Variants in CLPTM1 observed in about 807,000 individuals in gnomAD.
CLPTM1 encodes the protein CLPTM1 regulator of GABA type A receptor forward trafficking, also known as putative lipid scramblase CLPTM1.
CLPTM1 carries 21 observed loss-of-function variants against 77.3 expected under a neutral mutation model. That is an observed-to-expected ratio of 0.27 (90% CI 0.19 to 0.39). The LOEUF (loss-of-function observed/expected upper bound fraction) is 0.39. Ranked by LOEUF, CLPTM1 falls within the 10% of genes least tolerant of loss-of-function variation. The probability of loss-of-function intolerance (pLI) is 1.00; values close to 1 mark genes in which losing one functional copy is unlikely to be tolerated. For synonymous variants in CLPTM1, 373 were observed against 381.0 expected, an observed-to-expected ratio of 0.98 and a Z score of 0.24; for missense variants, 642 against 921.2, an observed-to-expected ratio of 0.70 and a Z score of 3.92.
upstream of CLPTM1, chr19:44,955,132 C>T (rs1000959114): frequency 1.0e-5 from 16 of 1,535,718 alleles, no homozygotes; most frequent in Admixed American, 2.0e-5. Context: ...GCGGGAGGCA[C>T]ATGCTGGCCG....
chr19:44,961,904 T>A, intron 1 of CLPTM1, 59 bp from the exon 2 acceptor site: 1 of 1,112,604 alleles, frequency 9.0e-7, no homozygotes, highest in South Asian at 1.7e-5. Context: ...TGCATGATGG[T>A]GTCTAAGACA....
At chr19:44,987,079 C>T (rs1970990071) in intron 7 of CLPTM1, 100 bp from the exon 8 acceptor site, 5 of 1,447,754 alleles carry the variant, frequency 3.5e-6, no homozygotes, top group Non-Finnish European at 4.7e-6. Context: ...CCTCCAGTCT[C>T]TGTAGAGGGG....
At chr19:44,964,101 T>C (rs1970588122) in intron 2 of CLPTM1, among the ~76,000 whole-genome samples, 1 of 150,630 alleles carries the variant, frequency 6.6e-6, no homozygotes, top group African/African-American at 2.4e-5. Context: ...TGAGCCGAGA[T>C]CACACCACTG....
At chr19:44,967,421 G>A (rs975928819) in intron 2 of CLPTM1, among the ~76,000 whole-genome samples, 1 of 152,100 alleles carries the variant, frequency 6.6e-6, no homozygotes, top group Admixed American at 6.5e-5. Flanking sequence ...CACTTTGGGA[G>A]ACCAAGGTAG....
chr19:44,983,591 T>G (rs998757882), intron 5 of CLPTM1, among the ~76,000 whole-genome samples: 51 of 111,846 alleles, frequency 4.6e-4, no homozygotes, highest in African/African-American at 1.8e-3. Flanking sequence ...GCACTGCAGC[T>G]TGGATGACAG....
At chr19:44,989,123 A>T (rs1386292377) in intron 9 of CLPTM1, among the ~76,000 whole-genome samples, 1 of 152,104 alleles carries the variant, frequency 6.6e-6, no homozygotes, top group African/African-American at 2.4e-5. Flanking sequence ...CCATGATCAC[A>T]CCACTGAACT....
At chr19:44,985,360 A>T in intron 6 of CLPTM1, 57 bp downstream of exon 6, 1 of 1,199,450 alleles carries the variant, frequency 8.3e-7, no homozygotes, top group Non-Finnish European at 1.2e-6. Context: ...TTCACAGCTC[A>T]TCCCAGACCA....
In CLPTM1 at chr19:44,955,427, G is replaced by A; in HGVS notation, c.32G>A (p.Arg11His). MAAAQEADGA[R>H]SAVVAAGGGS... The stretch of plus-strand genomic sequence containing the variant: ...GCGGCGCAGGAGGCGGACGGGGCCC[G>A]CAGCGCCGTGGTGGCGGCCGGGGGA... The change falls in exon 1 of 14, where the codon CGC becomes CAC. Residue 11 changes from arginine to histidine, a missense_variant. By Grantham distance (29) the Arg-to-His change is conservative (BLOSUM62 0). Around this residue, in one of 2 missense-constraint regions of CLPTM1, gnomAD observed 121 missense variants for 120.8 expected, o/e 1.00. Transcript: ENST00000337392. 1 of 1,338,870 alleles carries A rather than the reference G, an allele frequency of 7.5e-7. No individual in the cohort carries two copies. The highest frequency in any genetic ancestry group is 9.5e-7 in the Non-Finnish European group (1 of 1,047,280). 82.9% of individuals were successfully genotyped at this position (1,338,870 alleles called of 1,614,324 possible).
At chr19:44,954,921 C>G, upstream of CLPTM1, 3 of 1,470,478 alleles carry the variant, frequency 2.0e-6, no homozygotes, top group African/African-American at 2.8e-5. Context: ...GCTAGTTCTT[C>G]GAATCAGAAT....
rs578106782 is a variant in CLPTM1 at position 44,972,440 on chromosome 19, A to G, written c.186-647A>G. On this transcript the variant is annotated intron_variant, in intron 2 of 13. Transcript: ENST00000337392. ...TTTTTTTGTATTTTTTAGTAGAGAC[A>G]GGGTTTCACCATGTTAGCCAGGATG... is the stretch of plus-strand genomic sequence containing the variant. 4.9e-4 allele frequency among the ~76,000 whole-genome samples: 74 copies of G among 151,842 alleles called. 1 individual carries two copies. Among genetic ancestry groups the G allele is most frequent in the East Asian group, 1.8e-3 (9 of 5,118 alleles).
chr19:44,955,219 T>C (rs1412952243), upstream of CLPTM1: 32 of 1,521,346 alleles, frequency 2.1e-5, no homozygotes, highest in Admixed American at 1.2e-4. Context: ...ACGAGTACGG[T>C]GGCCAGGTTG....
At chr19:44,954,836 A>T (rs1055875151), upstream of CLPTM1, 1 of 1,199,986 alleles carries the variant, frequency 8.3e-7, no homozygotes, top group African/African-American at 1.5e-5. Flanking sequence ...CACAGAAAGG[A>T]TATGAGCTCA....
intron 1 of CLPTM1, among the ~76,000 whole-genome samples, chr19:44,958,807 G>A (rs1600005789): frequency 1.3e-5 from 2 of 152,210 alleles, no homozygotes; most frequent in African/African-American, 4.8e-5. Context: ...CCCTCAAAAA[G>A]TTCCCTTTTA....
At chr19:44,988,313 C>A in intron 9 of CLPTM1, 140 bp downstream of exon 9, 1 of 676,206 alleles carries the variant, frequency 1.5e-6, no homozygotes, top group Non-Finnish European at 2.6e-6. Flanking sequence ...GCCTAGTGAG[C>A]TGGGGAGGGG....
In CLPTM1 at chr19:44,977,421, G is replaced by A; in HGVS notation, c.547G>A (p.Ala183Thr). ...CTTCCACCCAGACCCCCGGCAGAAG[G>A]CCCTGTACCGCCGGCTTGCCACAGT... is the stretch of plus-strand genomic sequence containing the variant. ...SGFHPDPRQK[A>T]LYRRLATVHM... Residue 183 changes from alanine (A) to threonine (T), a missense_variant, in exon 5 of 14, where the codon GCC becomes ACC. By Grantham distance (58) the Ala-to-Thr change is moderately conservative. Transcript: ENST00000337392. 2 of 1,608,984 alleles carry A rather than the reference G, an allele frequency of 1.2e-6. No homozygotes were observed. Among genetic ancestry groups the A allele is most frequent in the South Asian group, 1.1e-5 (1 of 91,038 alleles).
rs1970746704 is a variant in CLPTM1, at chr19:44,973,078, T to C, written c.186-9T>C. On this transcript the variant is annotated splice_polypyrimidine_tract_variant and intron_variant, in intron 2 of 13. Transcript: ENST00000337392. ...TGGGGACTCACCACCTTGCTGCTTC[T>C]CTCCTCAGGATCTTCATCATCTGGG... 1.9e-6 allele frequency: 3 copies of C among 1,612,698 alleles called. No individual in the cohort carries two copies. In the South Asian group the frequency reaches 3.3e-5, roughly 18 times the overall value.
At position 44,989,360 on chromosome 19, in the gene CLPTM1, G is replaced by A. The variant is rs149318580; in HGVS notation, c.1133-1035G>A. Among the ~76,000 whole-genome samples, 1,273 of 152,282 alleles carry A rather than the reference G, an allele frequency of 8.4e-3. 9 individuals are homozygous for A. Among genetic ancestry groups the A allele is most frequent in the Middle Eastern group, 0.014 (4 of 294 alleles). ...GCACAAGAAGGCTGTCCTCCCCAGT[G>A]TCATGCAGCAGGGGGCGCAGGCCTC... On this transcript the variant is annotated intron_variant, in intron 9 of 13. Coordinates refer to ENST00000337392, the MANE Select transcript of CLPTM1 (RefSeq NM_001294.4).
At chr19:44,980,794 A>G (rs1970883048) in intron 5 of CLPTM1, among the ~76,000 whole-genome samples, 1 of 151,662 alleles carries the variant, frequency 6.6e-6, no homozygotes, top group South Asian at 2.1e-4. Flanking sequence ...CTCTACAAAA[A>G]AAAATTTTAT....
intron 2 of CLPTM1, among the ~76,000 whole-genome samples, chr19:44,964,762 C>G (rs1970601324): frequency 6.6e-6 from 1 of 152,252 alleles, no homozygotes; most frequent in Non-Finnish European, 1.5e-5. Context: ...TTCCTCCTTG[C>G]AACACCTGGC....
Sources: allele counts gnomAD v4.1 joint callset (sites outside exome capture counted in the v4.1 genomes callset), GRCh38; gene constraint gnomAD v4.1.1; regional missense constraint gnomAD v4.1.1; transcripts MANE v1.5; gene names NCBI Gene and HGNC (gene_info 2026-07-23, HGNC 2026-07-21).